Variants in PALS1 observed in about 807,000 individuals in gnomAD.
PALS1 encodes the protein protein associated with LIN7 1, MAGUK p55 family member.
In PALS1, 31 loss-of-function variants were observed where a neutral mutation model predicts 78.9. The observed-to-expected ratio is 0.39, with a 90% confidence interval of 0.30 to 0.53. The LOEUF is 0.53. Among genes scored for constraint, PALS1 ranks in the 20% least tolerant of loss-of-function variants. PALS1 has a pLI of 0.67. For synonymous variants in PALS1, 276 were observed against 270.9 expected, an observed-to-expected ratio of 1.02 and a Z score of -0.18; for missense variants, 704 against 826.5, an observed-to-expected ratio of 0.85 and a Z score of 1.82.
chr14:67,322,164 G>A (rs183338353), intron 13 of PALS1, among the ~76,000 whole-genome samples: 85 of 152,122 alleles, frequency 5.6e-4, no homozygotes, highest in Admixed American at 1.6e-3. Flanking sequence ...TGGGCAACAC[G>A]GCAAAGCCCC....
chr14:67,308,159 TC>T (rs1201851069), intron 8 of PALS1, among the ~76,000 whole-genome samples: 1 of 151,220 alleles, frequency 6.6e-6, no homozygotes, highest in African/African-American at 2.4e-5. Context: ...GATGAAATAA[TC>T]TGTACAACAA....
chr14:67,250,933 GTGT>G (rs1430782810), intron 1 of PALS1, among the ~76,000 whole-genome samples: 1 of 152,140 alleles, frequency 6.6e-6, no homozygotes, highest in Non-Finnish European at 1.5e-5. Context: ...GTCTCTTAAT[GTGT>G]TATGCTGTAT....
chr14:67,248,541 T>C (rs754976713), intron 1 of PALS1, among the ~76,000 whole-genome samples: 5 of 152,224 alleles, frequency 3.3e-5, no homozygotes, highest in Non-Finnish European at 5.9e-5. Flanking sequence ...TATAATTTTA[T>C]AGTTTCTTCT....
intron 1 of PALS1, among the ~76,000 whole-genome samples, chr14:67,243,398 G>C (rs1392092246): frequency 6.6e-6 from 1 of 151,794 alleles, no homozygotes; most frequent in African/African-American, 2.4e-5. Context: ...ATGTTGGCCA[G>C]GCTGGCCTCG....
At chr14:67,249,991 G>T (rs1000678001) in intron 1 of PALS1, among the ~76,000 whole-genome samples, 11 of 152,162 alleles carry the variant, frequency 7.2e-5, no homozygotes, top group Admixed American at 6.5e-4. Context: ...TAACGCTTCG[G>T]AAAGTCTTTT....
intron 1 of PALS1, among the ~76,000 whole-genome samples, chr14:67,256,538 C>G (rs996698153): frequency 6.6e-6 from 1 of 152,038 alleles, no homozygotes; most frequent in African/African-American, 2.4e-5. Flanking sequence ...TACTTTATAT[C>G]CTTTTTTCTT....
Position 67,317,314 on chromosome 14 carries a change from A to G in PALS1, c.1298-94A>G, listed in dbSNP as rs72717384. The G allele has an allele frequency of 7.0e-3, 8,048 of 1,153,658 alleles. 48 individuals are homozygous for G. Among genetic ancestry groups the G allele is most frequent in the Non-Finnish European group, 8.7e-3 (7,105 of 813,672 alleles). 71.5% of individuals were successfully genotyped at this position (1,153,658 alleles called of 1,614,324 possible). On this transcript the variant is annotated intron_variant, in intron 10 of 14. Coordinates refer to ENST00000261681, the MANE Select transcript of PALS1 (RefSeq NM_022474.4). ...CTCGTTTCTGCAAAAAAATTTAAAG[A>G]ATAAATGAATGAATAAATAGAGTTC... is the stretch of plus-strand genomic sequence containing the variant.
At chr14:67,331,434 A>T (rs2085447710) in intron 14 of PALS1, among the ~76,000 whole-genome samples, 1 of 152,090 alleles carries the variant, frequency 6.6e-6, no homozygotes, top group Admixed American at 6.6e-5. Flanking sequence ...AATTGTGCTA[A>T]GAAAATGATG....
rs183351986 is a variant in PALS1 at position 67,292,904 on chromosome 14, T to C, written c.576+185T>C. 9.8e-5 allele frequency among the ~76,000 whole-genome samples: 15 copies of C among 152,312 alleles called. 1 individual carries two copies. Among genetic ancestry groups the C allele is most frequent in the Non-Finnish European group, 1.6e-4 (11 of 67,990 alleles). ...TATCCTAAAAACAAAAAAAGTTTAC[T>C]TCAGAGTCAGAACACTGTTTCATGA... On this transcript the variant is annotated intron_variant, in intron 4 of 14. Transcript: ENST00000261681.
In PALS1 at chr14:67,333,949, G is replaced by C. The variant is rs1467558032; in HGVS notation, c.*993G>C. ...CTACGTATATATAGGTAATAAACTG[G>C]AATTCTGTTGATGAATATAGCTGCT... On this transcript the variant is annotated 3_prime_UTR_variant, in exon 15 of 15. Coordinates refer to ENST00000261681, the MANE Select transcript of PALS1 (RefSeq NM_022474.4). 1 of 152,498 alleles carries C rather than the reference G, an allele frequency of 6.6e-6. No individual in the cohort carries two copies. Among genetic ancestry groups the C allele is most frequent in the Non-Finnish European group, 1.5e-5 (1 of 67,996 alleles). The allele number at this position is 152,498 out of a possible 1,614,324, so 9.4% of individuals were successfully genotyped here. A position where few individuals can be genotyped will look rare whatever the true frequency, so the allele number is the denominator to read the frequency against.
chr14:67,283,055 C>T (rs914176989), intron 3 of PALS1, among the ~76,000 whole-genome samples: 1 of 152,050 alleles, frequency 6.6e-6, no homozygotes, highest in Non-Finnish European at 1.5e-5. Context: ...AGGGAACATA[C>T]ACACCCATAT....
intron 1 of PALS1, among the ~76,000 whole-genome samples, chr14:67,262,686 A>C (rs2084257496): frequency 6.6e-6 from 1 of 152,128 alleles, no homozygotes; most frequent in Non-Finnish European, 1.5e-5. Flanking sequence ...GTTCTTTTCT[A>C]ACTCAGAAAC....
chr14:67,286,012 A>C (rs2084680278), intron 3 of PALS1, among the ~76,000 whole-genome samples: 1 of 152,210 alleles, frequency 6.6e-6, no homozygotes, highest in African/African-American at 2.4e-5. Flanking sequence ...ATTAGAGAAG[A>C]TGGGAGCTTA....
At chr14:67,304,904 C>G (rs577344260) in intron 8 of PALS1, among the ~76,000 whole-genome samples, 1 of 152,260 alleles carries the variant, frequency 6.6e-6, no homozygotes, top group East Asian at 1.9e-4. Context: ...AGAAAGAACA[C>G]AGTTTCATTT....
At chr14:67,329,294 A>G (rs577057543) in intron 14 of PALS1, among the ~76,000 whole-genome samples, 1 of 152,276 alleles carries the variant, frequency 6.6e-6, no homozygotes, top group Admixed American at 6.5e-5. Context: ...TTATTGATGT[A>G]TAGGAATGCT....
chr14:67,329,503 TC>T (rs2085409308), intron 14 of PALS1, among the ~76,000 whole-genome samples: 1 of 152,186 alleles, frequency 6.6e-6, no homozygotes, highest in South Asian at 2.1e-4. Flanking sequence ...GGCCAGAACT[TC>T]CAACACTGTG....
intron 1 of PALS1, among the ~76,000 whole-genome samples, chr14:67,253,957 T>C (rs2084103161): frequency 6.6e-6 from 1 of 150,400 alleles, no homozygotes; most frequent in Non-Finnish European, 1.5e-5. Context: ...GTTAATATTT[T>C]GTTTTGTTTT....
At chr14:67,268,899 C>A (rs1433913082) in intron 1 of PALS1, among the ~76,000 whole-genome samples, 1 of 152,136 alleles carries the variant, frequency 6.6e-6, no homozygotes, top group African/African-American at 2.4e-5. Context: ...GGTTCAAACC[C>A]CTCTGACACA....
At chr14:67,319,837 A>G (rs1441874393) in intron 11 of PALS1, among the ~76,000 whole-genome samples, 1 of 152,228 alleles carries the variant, frequency 6.6e-6, no homozygotes, top group African/African-American at 2.4e-5. Context: ...CAGCGTATAC[A>G]TTATGTCTGA....
Sources: allele counts gnomAD v4.1 joint callset (sites outside exome capture counted in the v4.1 genomes callset), GRCh38; gene constraint gnomAD v4.1.1; transcripts MANE v1.5; gene names NCBI Gene and HGNC (gene_info 2026-07-23, HGNC 2026-07-21).